Variants in CACNA1B observed in about 807,000 individuals in gnomAD.
CACNA1B encodes the protein voltage-dependent N-type calcium channel subunit alpha-1B.
CACNA1B carries 70 observed loss-of-function variants against 247.2 expected under a neutral mutation model. That is an observed-to-expected ratio of 0.28 (90% CI 0.23 to 0.35). CACNA1B has a LOEUF of 0.35. Ranked by LOEUF, CACNA1B falls within the 10% of genes least tolerant of loss-of-function variation. CACNA1B has a pLI of 1.00. For synonymous variants in CACNA1B, 1,231 were observed against 1,294.4 expected, an observed-to-expected ratio of 0.95 and a Z score of 1.05; for missense variants, 2,367 against 3,197.4, an observed-to-expected ratio of 0.74 and a Z score of 6.26.
rs1373189357 is a variant in CACNA1B, at chr9:137,881,349, A to C, written c.391-1395A>C. The stretch of plus-strand genomic sequence containing the variant: ...TGGGCCAGCTCCACCACAGGACAGG[A>C]GGAGCCCAGGCTGAGTAAGGTGGGA... On this transcript the variant is annotated intron_variant, in intron 2 of 46. Coordinates refer to ENST00000371372, the MANE Select transcript of CACNA1B (RefSeq NM_000718.4). This position sits in a 1 kb window ranked among gnomAD's most constrained non-coding sequence, Gnocchi z 4.3. Among the ~76,000 whole-genome samples the C allele has an allele frequency of 6.6e-6, 1 of 152,126 alleles. No individual in the cohort carries two copies. Among genetic ancestry groups the C allele is most frequent in the African/African-American group, 2.4e-5 (1 of 41,422 alleles).
chr9:137,948,104 T>C (rs1009113969), intron 6 of CACNA1B, among the ~76,000 whole-genome samples: 1 of 151,210 alleles, frequency 6.6e-6, no homozygotes, highest in African/African-American at 2.4e-5. Flanking sequence ...CCTCAGGCTG[T>C]GGAGTAGCTG....
intron 40 of CACNA1B, among the ~76,000 whole-genome samples, chr9:138,113,764 G>A (rs1189526532): frequency 7.1e-6 from 1 of 141,438 alleles, no homozygotes; most frequent in African/African-American, 2.7e-5. Flanking sequence ...TGTGGGAGAC[G>A]TGAGGGAGCG....
chr9:138,022,873 A>G (rs1958865569), intron 18 of CACNA1B, 138 bp from the exon 19 acceptor site: 8 of 1,097,696 alleles, frequency 7.3e-6, no homozygotes, highest in South Asian at 2.1e-5. Flanking sequence ...GCGTCCCCCG[A>G]GGGGTGTGGG....
chr9:138,090,701 C>CAAAAA lies in CACNA1B; in HGVS notation c.5095-5754_5095-5750dup, dbSNP rs1173964720. On this transcript the variant is annotated intron_variant, in intron 36 of 46. Transcript: ENST00000371372. ...TACAAGGTGAAACTCAACCCATCAGCAAAAAAAAAAAAAAAAAAAAAAAAA... is the reference window on the plus strand; with the variant it reads ...TACAAGGTGAAACTCAACCCATCAGCAAAAAAAAAAAAAAAAAAAAAAAAAAAAAA... Among the ~76,000 whole-genome samples, 164 of 16,576 alleles carry CAAAAA rather than the reference C, an allele frequency of 9.9e-3. 8 individuals carry two copies. The highest frequency in any genetic ancestry group is 0.011 in the East Asian group (2 of 178). The allele number at this position is 16,576 out of a possible 152,430, so 10.9% of individuals were successfully genotyped here. A position where few individuals can be genotyped will look rare whatever the true frequency, so the allele number is the denominator to read the frequency against.
rs774161073 is a variant in CACNA1B at position 138,032,756 on chromosome 9, G to A, written c.3286+7584G>A. ...TGAGAAATCCACTGTCATTCGAATT[G>A]TTTTCTTCCTATAGGTAAGATGTTG... On this transcript the variant is annotated intron_variant, in intron 20 of 46. Coordinates refer to ENST00000371372, the MANE Select transcript of CACNA1B (RefSeq NM_000718.4). 106 of 446,092 alleles carry A rather than the reference G, an allele frequency of 2.4e-4. 1 individual carries two copies. The highest frequency in any genetic ancestry group is 9.4e-4 in the Admixed American group (38 of 40,562). The allele number at this position is 446,092 out of a possible 1,614,324, so 27.6% of individuals were successfully genotyped here.
rs187364243 is a variant in CACNA1B, at chr9:138,073,099, G to A, written c.4675-389G>A. Among the ~76,000 whole-genome samples, 7 of 152,326 alleles carry A rather than the reference G, an allele frequency of 4.6e-5. No homozygotes were observed. In the East Asian group the frequency reaches 5.8e-4, roughly 13 times the overall value. ...GTGGAGAAGCAGTCATGCCCAGCACGTGGCCAGCTTGACCGTGTCCTGCAA... is the reference window on the plus strand; with the variant it reads ...GTGGAGAAGCAGTCATGCCCAGCACATGGCCAGCTTGACCGTGTCCTGCAA... On this transcript the variant is annotated intron_variant, in intron 32 of 46. Coordinates refer to ENST00000371372, the MANE Select transcript of CACNA1B (RefSeq NM_000718.4). The surrounding 1 kb of genome is among the most constrained non-coding windows in gnomAD (Gnocchi z 6.4).
At chr9:137,884,957 TCCC>T (rs370592773) in intron 3 of CACNA1B, among the ~76,000 whole-genome samples, 3 of 60,470 alleles carry the variant, frequency 5.0e-5, no homozygotes, top group African/African-American at 2.2e-4. Context: ...TCTCCCCTCT[TCCC>T]CCCCCCCCTC....
chr9:138,026,735 C>A (rs900382099), intron 20 of CACNA1B, among the ~76,000 whole-genome samples: 1 of 152,178 alleles, frequency 6.6e-6, no homozygotes, highest in African/African-American at 2.4e-5. Flanking sequence ...TTTAAACATT[C>A]ATGTTCAGGT....
chr9:138,050,040 T>C lies in CACNA1B; in HGVS notation c.3710+725T>C. ...GGGCTGCTCCTGGTGCCACTGACTC[T>C]GTTCTCTTTGTCTTCCTCTTGCTGG... On this transcript the variant is annotated intron_variant, in intron 24 of 46. Coordinates refer to ENST00000371372, the MANE Select transcript of CACNA1B (RefSeq NM_000718.4). The surrounding 1 kb of genome is among the most constrained non-coding windows in gnomAD (Gnocchi z 5.2). 2 of 1,288,572 alleles carry C rather than the reference T, an allele frequency of 1.6e-6. No individual in the cohort carries two copies. The highest frequency in any genetic ancestry group is 2.0e-6 in the Non-Finnish European group (2 of 987,716). 79.8% of individuals were successfully genotyped at this position (1,288,572 alleles called of 1,614,324 possible).
chr9:138,106,152 A>C (rs968440070), intron 39 of CACNA1B, among the ~76,000 whole-genome samples: 9 of 152,140 alleles, frequency 5.9e-5, no homozygotes, highest in Admixed American at 5.2e-4. Flanking sequence ...ACGAGCCTGC[A>C]TGCCCTTGGC....
At chr9:138,022,967 G>A (rs1262742667) in intron 18 of CACNA1B, 44 bp from the exon 19 acceptor site, 52 of 1,450,456 alleles carry the variant, frequency 3.6e-5, no homozygotes, top group Non-Finnish European at 4.6e-5. Flanking sequence ...AGAGCGGCGG[G>A]CGGGCGGCAG....
Position 138,118,093 on chromosome 9 carries a change from C to A in CACNA1B, c.5913+12C>A. On this transcript the variant is annotated intron_variant, in intron 43 of 46. Transcript: ENST00000371372. ...GGTCAGGAGCACTGGTGAGCACTCC[C>A]GGGGGCTAGTGAGACTGGGTTGGGG... 1 of 1,185,762 alleles carries A rather than the reference C, an allele frequency of 8.4e-7. No homozygotes were observed. The highest frequency in any genetic ancestry group is 1.5e-5 in the South Asian group (1 of 66,400). The allele number at this position is 1,185,762 out of a possible 1,614,324, so 73.5% of individuals were successfully genotyped here.
intron 36 of CACNA1B, among the ~76,000 whole-genome samples, chr9:138,079,874 C>CA (rs145080243): frequency 0.09 from 10,398 of 115,828 alleles, 477 homozygotes; most frequent in Non-Finnish European, 0.11. Context: ...GACTCTGTCT[C>CA]AAAAAAAAAA....
In CACNA1B at chr9:137,913,114, G is replaced by C. The variant is rs1957375518; in HGVS notation, c.531-66G>C. 6 of 1,224,086 alleles carry C rather than the reference G, an allele frequency of 4.9e-6. No individual in the cohort carries two copies. The South Asian group carries it at 7.5e-5, about 15-fold the overall frequency. The allele number at this position is 1,224,086 out of a possible 1,614,324, so 75.8% of individuals were successfully genotyped here. A position where few individuals can be genotyped will look rare whatever the true frequency, so the allele number is the denominator to read the frequency against. On this transcript the variant is annotated intron_variant, in intron 3 of 46. Transcript: ENST00000371372. The surrounding 1 kb of genome is among the most constrained non-coding windows in gnomAD (Gnocchi z 5.2). ...GGAGACATGACCCTGGTGGTGGGAG[G>C]AGTGTGTCCTCTTCCAGGCTCAATG...
At chr9:137,972,760 A>G (rs1269225322) in intron 11 of CACNA1B, among the ~76,000 whole-genome samples, 2 of 152,150 alleles carry the variant, frequency 1.3e-5, no homozygotes, top group Non-Finnish European at 2.9e-5. Context: ...CTTGACATTG[A>G]AATCTACGAC....
chr9:137,900,592 ATGTCTGTGCCGTGTGTCTCTG>A (rs1320834355), intron 3 of CACNA1B, among the ~76,000 whole-genome samples: 2 of 98,158 alleles, frequency 2.0e-5, no homozygotes, highest in African/African-American at 8.4e-5. Context: ...CCGTGTGTCC[ATGTCTGTGCCGTGTGTCTCTG>A]TGTCTGTGTA....
rs1961221599 is a variant in CACNA1B, at chr9:138,100,663, A to G, written c.5223-2048A>G. ...GCTGGACCAGGGCTTCCAGGGGAGG[A>G]CACAGAGTGTTCAGGGAGACAGGGT... On this transcript the variant is annotated intron_variant, in intron 37 of 46. Coordinates refer to ENST00000371372, the MANE Select transcript of CACNA1B (RefSeq NM_000718.4). This position sits in a 1 kb window ranked among gnomAD's most constrained non-coding sequence, Gnocchi z 4.6. 6.6e-6 allele frequency among the ~76,000 whole-genome samples: 1 copy of G among 152,038 alleles called. No individual in the cohort carries two copies. Among genetic ancestry groups the G allele is most frequent in the Non-Finnish European group, 1.5e-5 (1 of 68,002 alleles).
chr9:137,953,739 C>T (rs1957906602), intron 7 of CACNA1B, among the ~76,000 whole-genome samples: 6 of 152,074 alleles, frequency 3.9e-5, no homozygotes, highest in Non-Finnish European at 8.8e-5. Flanking sequence ...GGGGTGGAGG[C>T]ACAGTGGACA....
chr9:137,951,618 A>T (rs540784181), intron 6 of CACNA1B, among the ~76,000 whole-genome samples: 1 of 152,156 alleles, frequency 6.6e-6, no homozygotes, highest in Non-Finnish European at 1.5e-5. Context: ...AAATGAAACA[A>T]CTATGGAATC....
Sources: allele counts gnomAD v4.1 joint callset (sites outside exome capture counted in the v4.1 genomes callset), GRCh38; gene constraint gnomAD v4.1.1; non-coding constraint Gnocchi (gnomAD v3.1); transcripts MANE v1.5; gene names NCBI Gene and HGNC (gene_info 2026-07-23, HGNC 2026-07-21).